Variants in SLC25A20 observed in about 807,000 individuals in gnomAD.
The protein encoded by SLC25A20 is solute carrier family 25 member 20.
A neutral mutation model predicts 39.7 loss-of-function variants in SLC25A20; 29 were observed. The ratio of observed to expected loss-of-function variants is 0.73; its 90% CI spans 0.54 to 1.00. The LOEUF is 1.00. Ranked by LOEUF, SLC25A20 falls within the 50% of genes least tolerant of loss-of-function variation. The probability of loss-of-function intolerance (pLI) is 0.00; values close to 1 mark genes in which losing one functional copy is unlikely to be tolerated. For missense variants in SLC25A20, 333 were observed against 379.9 expected (o/e 0.88, Z 1.03); for synonymous variants, 103 against 142.2 (o/e 0.72, Z 1.96).
intron 4 of SLC25A20, among the ~76,000 whole-genome samples, chr3:48,871,143 A>G (rs1327619137): frequency 6.6e-6 from 1 of 152,020 alleles, no homozygotes; most frequent in Non-Finnish European, 1.5e-5. Flanking sequence ...GGATTTTTAA[A>G]TAAATGGAAA....
intron 4 of SLC25A20, among the ~76,000 whole-genome samples, chr3:48,876,266 CA>C (rs2083756170): frequency 6.8e-6 from 1 of 147,630 alleles, no homozygotes. Context: ...CACTTGAACC[CA>C]GGGGGAAGAG....
intron 4 of SLC25A20, among the ~76,000 whole-genome samples, chr3:48,877,167 C>A (rs547379200): frequency 6.6e-6 from 1 of 151,986 alleles, no homozygotes; most frequent in Non-Finnish European, 1.5e-5. Context: ...GTAATCCCAA[C>A]ACTTTGGGAG....
chr3:48,879,215 T>C (rs2083782962), intron 4 of SLC25A20, 143 bp downstream of exon 4: 2 of 763,740 alleles, frequency 2.6e-6, no homozygotes, highest in African/African-American at 3.4e-5. Context: ...CCTCACACCT[T>C]GGTCTCCCAA....
At chr3:48,863,108 T>C (rs959486434) in intron 4 of SLC25A20, among the ~76,000 whole-genome samples, 10 of 152,090 alleles carry the variant, frequency 6.6e-5, no homozygotes, top group Non-Finnish European at 7.4e-5. Flanking sequence ...GAGAATCGCC[T>C]GAACTTGGGA....
Position 48,892,047 on chromosome 3 carries a change from C to T in SLC25A20, c.131G>A (p.Ser44Asn), listed in dbSNP as rs2083881740. The T allele has an allele frequency of 1.2e-6, 2 of 1,614,104 alleles. No homozygotes were observed. The change falls in exon 2 of 9, where the codon AGT (serine) becomes AAT (asparagine). Residue 44 changes from serine to asparagine, a missense_variant. Physicochemically the swap from Ser to Asn is conservative, Grantham distance 46. Coordinates refer to ENST00000319017, the MANE Select transcript of SLC25A20 (RefSeq NM_000387.6). ...VKVRLQTQPPSLPGQPPMYSG... is the reference protein window; with the variant it reads ...VKVRLQTQPPNLPGQPPMYSG... ...GTACATGGGAGGTTGTCCAGGCAAACTCGGTGGCTGTGTCTGCAGTCGGAC... is the reference window on the plus strand; with the variant it reads ...GTACATGGGAGGTTGTCCAGGCAAATTCGGTGGCTGTGTCTGCAGTCGGAC...
chr3:48,858,738 G>A, intron 7 of SLC25A20, 107 bp from the exon 8 acceptor site: 1 of 1,350,452 alleles, frequency 7.4e-7, no homozygotes, highest in Non-Finnish European at 1.1e-6. Context: ...TGCAGGTCAT[G>A]TGGGACCAGT....
At chr3:48,867,669 A>C (rs1372514527) in intron 4 of SLC25A20, among the ~76,000 whole-genome samples, 1 of 151,634 alleles carries the variant, frequency 6.6e-6, no homozygotes, top group Non-Finnish European at 1.5e-5. Flanking sequence ...AAAAAAAAAA[A>C]CAAAAACAAA....
At chr3:48,895,708 CTG>C in intron 1 of SLC25A20, 1 of 451,100 alleles carries the variant, frequency 2.2e-6, no homozygotes, top group African/African-American at 2.0e-5. Flanking sequence ...ACACGTAAGT[CTG>C]AGGGGTTTAT....
chr3:48,893,612 C>T (rs377356530), intron 1 of SLC25A20, among the ~76,000 whole-genome samples: 2 of 152,002 alleles, frequency 1.3e-5, no homozygotes, highest in Admixed American at 1.3e-4. Flanking sequence ...TGGCTCACTG[C>T]CACTTTCGCC....
Position 48,879,340 on chromosome 3 carries a change from C to G in SLC25A20, c.417+18G>C. On this transcript the variant is annotated intron_variant, in intron 4 of 8. Transcript: ENST00000319017. The stretch of plus-strand genomic sequence containing the variant: ...AACTGAAAGGAAAAAGCTATTTCCC[C>G]TCCAATCACAACCTTACCTGTAATA... 6.4e-7 allele frequency: 1 copy of G among 1,560,216 alleles called. No homozygotes were observed. Among genetic ancestry groups the G allele is most frequent in the Middle Eastern group, 1.7e-4 (1 of 5,970 alleles).
chr3:48,887,664 G>C (rs2083839428), intron 2 of SLC25A20, among the ~76,000 whole-genome samples: 1 of 152,200 alleles, frequency 6.6e-6, no homozygotes, highest in African/African-American at 2.4e-5. Flanking sequence ...AGCACTTTGG[G>C]AGGCCAAGGA....
chr3:48,879,132 A>G (rs2106653606), intron 4 of SLC25A20, among the ~76,000 whole-genome samples: 1 of 152,126 alleles, frequency 6.6e-6, no homozygotes, highest in Admixed American at 6.6e-5. Flanking sequence ...CGGCTCCCAA[A>G]GTGCTGGGAT....
At chr3:48,857,809 G>C in intron 8 of SLC25A20, 37 bp from the exon 9 acceptor site, 2 of 1,587,052 alleles carry the variant, frequency 1.3e-6, no homozygotes, top group South Asian at 2.2e-5. Context: ...AAGCCAGCAG[G>C]AATAACTATT....
intron 3 of SLC25A20, 147 bp downstream of exon 3, chr3:48,883,850 C>T (rs2083811785): frequency 2.2e-6 from 2 of 908,450 alleles, no homozygotes; most frequent in Non-Finnish European, 3.4e-6. Flanking sequence ...ACTCGACCTC[C>T]TGACCTCAGG....
intron 1 of SLC25A20, 113 bp from the exon 2 acceptor site, chr3:48,892,185 C>T: frequency 1.2e-6 from 1 of 801,078 alleles, no homozygotes; most frequent in Non-Finnish European, 2.2e-6. Context: ...TTGTACATGT[C>T]TTTGGCATTC....
intron 4 of SLC25A20, among the ~76,000 whole-genome samples, chr3:48,867,119 T>C (rs2083676727): frequency 6.6e-6 from 1 of 151,186 alleles, no homozygotes; most frequent in African/African-American, 2.4e-5. Flanking sequence ...TTTTGTATTT[T>C]TTTGTAGAGA....
chr3:48,873,228 A>G (rs1227405989), intron 4 of SLC25A20, among the ~76,000 whole-genome samples: 2 of 151,812 alleles, frequency 1.3e-5, no homozygotes, highest in Non-Finnish European at 2.9e-5. Flanking sequence ...CGTCTCAAAA[A>G]AATAAAATAT....
chr3:48,863,839 AC>A (rs2083645009), intron 4 of SLC25A20, among the ~76,000 whole-genome samples: 1 of 150,950 alleles, frequency 6.6e-6, no homozygotes, highest in Non-Finnish European at 1.5e-5. Context: ...ACATGGTGAA[AC>A]CCTGTCTCTA....
intron 4 of SLC25A20, among the ~76,000 whole-genome samples, chr3:48,874,535 C>T (rs2083740369): frequency 6.6e-6 from 1 of 151,834 alleles, no homozygotes; most frequent in Non-Finnish European, 1.5e-5. Context: ...GGCATTTATC[C>T]CAGAGAAATG....
Sources: allele counts gnomAD v4.1 joint callset (sites outside exome capture counted in the v4.1 genomes callset), GRCh38; gene constraint gnomAD v4.1.1; transcripts MANE v1.5; gene names NCBI Gene and HGNC (gene_info 2026-07-23, HGNC 2026-07-21).